The following WWOX variants were observed in gnomAD, a reference collection of about 807,000 sequenced individuals.
WWOX encodes the protein WW domain containing oxidoreductase, also known as WW domain-containing oxidoreductase.
WWOX carries 69 observed loss-of-function variants against 46.2 expected under a neutral mutation model. The ratio of observed to expected loss-of-function variants is 1.49; its 90% CI spans 1.23 to 1.82. The LOEUF (loss-of-function observed/expected upper bound fraction) is 1.82. Among genes scored for constraint, WWOX ranks in the 40% most tolerant of loss-of-function variants. The probability of loss-of-function intolerance (pLI) is 0.00; values close to 1 mark genes in which losing one functional copy is unlikely to be tolerated. For missense variants in WWOX, 919 were observed against 542.6 expected, an observed-to-expected ratio of 1.69 and a Z score of -6.89; for synonymous variants, 359 against 202.6, an observed-to-expected ratio of 1.77 and a Z score of -6.56.
chr16:78,787,755 G>A (rs959811928), intron 8 of WWOX, among the ~76,000 whole-genome samples: 3 of 152,106 alleles, frequency 2.0e-5, no homozygotes, highest in East Asian at 1.9e-4. Flanking sequence ...TGTTTTCCAC[G>A]GAGGCTGCAC....
intron 5 of WWOX, among the ~76,000 whole-genome samples, chr16:78,337,663 C>T (rs139980282): frequency 3.3e-5 from 5 of 152,280 alleles, no homozygotes; most frequent in African/African-American, 1.2e-4. Flanking sequence ...AAAGTACTAT[C>T]TGGCCATGTC....
intron 5 of WWOX, among the ~76,000 whole-genome samples, chr16:78,229,204 A>G (rs1364897935): frequency 2.0e-5 from 3 of 151,868 alleles, no homozygotes; most frequent in Non-Finnish European, 4.4e-5. Flanking sequence ...CATAGTGTTC[A>G]TACTCAGAAG....
At chr16:78,479,190 C>G (rs760595768) in intron 8 of WWOX, among the ~76,000 whole-genome samples, 3 of 152,206 alleles carry the variant, frequency 2.0e-5, no homozygotes, top group Non-Finnish European at 4.4e-5. Context: ...TTAACATATT[C>G]TCCATCACTG....
chr16:78,520,168 T>C (rs2043318115), intron 8 of WWOX, among the ~76,000 whole-genome samples: 1 of 152,212 alleles, frequency 6.6e-6, no homozygotes, highest in East Asian at 1.9e-4. Flanking sequence ...CTTTTATTCC[T>C]ATGGGATGAG....
At chr16:78,404,742 T>C (rs1405945957) in intron 6 of WWOX, among the ~76,000 whole-genome samples, 1 of 152,198 alleles carries the variant, frequency 6.6e-6, no homozygotes, top group African/African-American at 2.4e-5. Context: ...TGGTTGAAGT[T>C]ACTTTTTCTT....
intron 8 of WWOX, among the ~76,000 whole-genome samples, chr16:78,729,829 G>T (rs991605463): frequency 3.3e-5 from 5 of 152,180 alleles, no homozygotes; most frequent in Admixed American, 3.3e-4. Context: ...GCCTGAACCT[G>T]CTATGCAGTG....
At position 79,026,919 on chromosome 16, in the gene WWOX, A is replaced by G. The variant is rs927687021; in HGVS notation, c.1057-184689A>G. 3.3e-5 allele frequency among the ~76,000 whole-genome samples: 5 copies of G among 150,478 alleles called. 1 individual carries two copies. The highest frequency in any genetic ancestry group is 1.2e-4 in the African/African-American group (5 of 40,476). On this transcript the variant is annotated intron_variant, in intron 8 of 8. Coordinates refer to ENST00000566780, the MANE Select transcript of WWOX (RefSeq NM_016373.4). The stretch of plus-strand genomic sequence containing the variant: ...GCTGGGATTACAGGTGTGAGCCACC[A>G]CGCCTGGGCGGCACGTGGTAGACTC...
At chr16:78,556,276 A>G (rs1173871769) in intron 8 of WWOX, among the ~76,000 whole-genome samples, 2 of 151,184 alleles carry the variant, frequency 1.3e-5, no homozygotes, top group African/African-American at 4.9e-5. Flanking sequence ...AAAAAAAAAA[A>G]GAAAAAATCC....
At chr16:78,760,567 C>A (rs147052920) in intron 8 of WWOX, among the ~76,000 whole-genome samples, 79 of 152,252 alleles carry the variant, frequency 5.2e-4, no homozygotes, top group African/African-American at 1.7e-3. Context: ...GAGAGGATGC[C>A]CACAATGCAC....
intron 8 of WWOX, chr16:78,872,861 G>C (rs186292986): frequency 1.3e-5 from 2 of 152,400 alleles, no homozygotes; most frequent in East Asian, 1.9e-4. Flanking sequence ...GTAGTGGTGT[G>C]ATCTCAGCTC....
At chr16:78,412,575 G>C (rs2082707129) in intron 6 of WWOX, among the ~76,000 whole-genome samples, 1 of 152,154 alleles carries the variant, frequency 6.6e-6, no homozygotes, top group South Asian at 2.1e-4. Context: ...AAATGGAGTG[G>C]TAGTGGCATT....
intron 8 of WWOX, among the ~76,000 whole-genome samples, chr16:78,973,608 T>G (rs1005702529): frequency 1.3e-5 from 2 of 152,210 alleles, no homozygotes; most frequent in African/African-American, 4.8e-5. Context: ...TCTCAAACTG[T>G]AGGAGGACCA....
At chr16:78,390,221 C>G (rs1001759280) in intron 6 of WWOX, among the ~76,000 whole-genome samples, 2 of 152,228 alleles carry the variant, frequency 1.3e-5, no homozygotes, top group African/African-American at 4.8e-5. Context: ...TCCAGTTCCT[C>G]TGTCAGAATG....
intron 8 of WWOX, chr16:79,110,744 G>A (rs1279909656): frequency 2.0e-5 from 3 of 152,140 alleles, no homozygotes; most frequent in Non-Finnish European, 4.4e-5. Context: ...GTTTTGCTTC[G>A]GGATGGAGGC....
intron 8 of WWOX, among the ~76,000 whole-genome samples, chr16:79,180,004 T>C (rs201763678): frequency 4.0e-4 from 61 of 152,248 alleles, no homozygotes; most frequent in Admixed American, 1.2e-3. Flanking sequence ...GTTTTTTTTT[T>C]CCCCTTATCC....
rs139847460 is a variant in WWOX at position 78,874,993 on chromosome 16, C to T, written c.1057-336615C>T. ...CACGTTGCATACATGCCTTTGAGGA[C>T]TTGGCCTCTTAAAGGAATCTTTCAA... On this transcript the variant is annotated intron_variant, in intron 8 of 8. Coordinates refer to ENST00000566780, the MANE Select transcript of WWOX (RefSeq NM_016373.4). 1.2e-4 allele frequency among the ~76,000 whole-genome samples: 19 copies of T among 152,246 alleles called. 1 individual carries two copies. In the East Asian group the frequency reaches 3.1e-3, roughly 25 times the overall value.
At chr16:78,273,008 GTTTA>G (rs930781634) in intron 5 of WWOX, among the ~76,000 whole-genome samples, 101 of 152,102 alleles carry the variant, frequency 6.6e-4, no homozygotes, top group African/African-American at 2.3e-3. Flanking sequence ...ATTTTTGTTT[GTTTA>G]TTTGTTTGTT....
chr16:78,690,207 G>C (rs1024070842), intron 8 of WWOX, among the ~76,000 whole-genome samples: 1 of 152,092 alleles, frequency 6.6e-6, no homozygotes, highest in Non-Finnish European at 1.5e-5. Context: ...AACTTTTTGA[G>C]GACCATGTGT....
chr16:78,138,633 T>C (rs2033880968), intron 4 of WWOX, among the ~76,000 whole-genome samples: 1 of 152,222 alleles, frequency 6.6e-6, no homozygotes, highest in East Asian at 1.9e-4. Flanking sequence ...TTCCTTATTT[T>C]TCCTTTCTGC....
Sources: gnomAD v4.1 joint callset for allele counts (sites outside exome capture counted in the v4.1 genomes callset) on GRCh38, gnomAD v4.1.1 for gene constraint, MANE v1.5 for transcripts, NCBI Gene and HGNC (gene_info 2026-07-23, HGNC 2026-07-21) for gene names.